ZFAND3: variants seen among roughly 807,000 people sequenced by gnomAD.
ZFAND3 encodes the protein AN1-type zinc finger protein 3.
Under a neutral mutation model 29.6 loss-of-function variants are expected in ZFAND3, and 10 were observed. That is an observed-to-expected ratio of 0.34 (90% CI 0.21 to 0.57). ZFAND3 has a LOEUF of 0.57. Ranked by LOEUF, ZFAND3 falls within the 20% of genes least tolerant of loss-of-function variation. ZFAND3 has a pLI of 0.86. For missense variants in ZFAND3, 230 were observed against 304.5 expected, an observed-to-expected ratio of 0.76 and a Z score of 1.82; for synonymous variants, 128 against 112.6, an observed-to-expected ratio of 1.14 and a Z score of -0.87.
intron 1 of ZFAND3, among the ~76,000 whole-genome samples, chr6:37,877,160 T>C (rs1292313603): frequency 2.0e-5 from 3 of 152,232 alleles, no homozygotes; most frequent in Admixed American, 6.5e-5. Context: ...GTGGGTGATT[T>C]ATTGTTTATC....
At chr6:38,130,753 G>A (rs958425191) in intron 5 of ZFAND3, among the ~76,000 whole-genome samples, 1 of 152,114 alleles carries the variant, frequency 6.6e-6, no homozygotes, top group Non-Finnish European at 1.5e-5. Flanking sequence ...TGTTCATCAG[G>A]GATATTGGTC....
In ZFAND3 at chr6:37,975,813, G is replaced by T. The variant is rs1762468108; in HGVS notation, c.112+45814G>T. On this transcript the variant is annotated intron_variant, in intron 2 of 5. Coordinates refer to ENST00000287218, the MANE Select transcript of ZFAND3 (RefSeq NM_021943.3). ...ACTTTATAATAATTCTTGAAATCAGGTAGTGTTAATCCTTCAACTTTATTT... is the reference window on the plus strand; with the variant it reads ...ACTTTATAATAATTCTTGAAATCAGTTAGTGTTAATCCTTCAACTTTATTT... Among the ~76,000 whole-genome samples, 7 of 152,088 alleles carry T rather than the reference G, an allele frequency of 4.6e-5. No individual in the cohort carries two copies. The South Asian group carries it at 1.2e-3, about 27-fold the overall frequency.
At chr6:37,925,190 C>A (rs1306174308) in intron 1 of ZFAND3, among the ~76,000 whole-genome samples, 1 of 151,880 alleles carries the variant, frequency 6.6e-6, no homozygotes, top group Non-Finnish European at 1.5e-5. Flanking sequence ...TAAAAGATGA[C>A]CATAGCTGCT....
chr6:38,033,210 A>G (rs1763594622), intron 2 of ZFAND3, among the ~76,000 whole-genome samples: 1 of 152,198 alleles, frequency 6.6e-6, no homozygotes, highest in Non-Finnish European at 1.5e-5. Flanking sequence ...GGTTGGATTT[A>G]GTTTACTCTC....
At chr6:38,145,953 G>C (rs1766097304) in intron 5 of ZFAND3, among the ~76,000 whole-genome samples, 1 of 152,210 alleles carries the variant, frequency 6.6e-6, no homozygotes, top group African/African-American at 2.4e-5. Context: ...GATTCTTTCA[G>C]AACAGAGTTT....
At chr6:37,838,893 C>T (rs979118864) in intron 1 of ZFAND3, among the ~76,000 whole-genome samples, 5 of 152,188 alleles carry the variant, frequency 3.3e-5, no homozygotes, top group African/African-American at 4.8e-5. Flanking sequence ...AAACTACCAC[C>T]CTGTTTTCCA....
At chr6:37,950,019 G>A (rs1413851918) in intron 2 of ZFAND3, among the ~76,000 whole-genome samples, 2 of 152,192 alleles carry the variant, frequency 1.3e-5, no homozygotes, top group Admixed American at 6.5e-5. Context: ...ACTGTGGATT[G>A]TGGATGTTGG....
chr6:38,033,215 A>G (rs1030235581), intron 2 of ZFAND3, among the ~76,000 whole-genome samples: 3 of 152,142 alleles, frequency 2.0e-5, no homozygotes, highest in Non-Finnish European at 2.9e-5. Flanking sequence ...GATTTAGTTT[A>G]CTCTCTCTAG....
At chr6:37,969,529 T>C (rs1431152169) in intron 2 of ZFAND3, among the ~76,000 whole-genome samples, 2 of 152,228 alleles carry the variant, frequency 1.3e-5, no homozygotes, top group African/African-American at 2.4e-5. Context: ...TATTAAATAG[T>C]GTACCAAAGT....
intron 2 of ZFAND3, among the ~76,000 whole-genome samples, chr6:37,960,626 G>T (rs191100114): frequency 1.1e-3 from 160 of 152,266 alleles, no homozygotes; most frequent in African/African-American, 3.7e-3. Context: ...TATAAATAAA[G>T]GGAATAAAGG....
rs71677053 is a variant in ZFAND3 at position 38,106,681 on chromosome 6, TTG to T, written c.362-9873_362-9872del. Among the ~76,000 whole-genome samples, 1,328 of 150,766 alleles carry T rather than the reference TTG, an allele frequency of 8.8e-3. 15 individuals are homozygous for T. The highest frequency in any genetic ancestry group is 0.03 in the African/African-American group (1,237 of 41,152). On this transcript the variant is annotated intron_variant, in intron 4 of 5. Coordinates refer to ENST00000287218, the MANE Select transcript of ZFAND3 (RefSeq NM_021943.3). ...TACCACTTAGTATGGCGCTAGTTGT[TTG>T]TGTGTGTGTGTGTGTGTATATGTGT...
At chr6:37,954,693 G>C (rs9462372) in intron 2 of ZFAND3, among the ~76,000 whole-genome samples, 4,129 of 152,094 alleles carry the variant, frequency 0.027, 180 homozygotes, top group African/African-American at 0.093. Context: ...TCGTTGCATT[G>C]GATATTTTTG....
chr6:37,852,130 A>C (rs259713), intron 1 of ZFAND3, among the ~76,000 whole-genome samples: 1 of 152,036 alleles, frequency 6.6e-6, no homozygotes, highest in African/African-American at 2.4e-5. Flanking sequence ...GACTGTAGCA[A>C]GTTATGTGAC....
intron 2 of ZFAND3, among the ~76,000 whole-genome samples, chr6:38,016,866 A>G (rs1763260874): frequency 6.6e-6 from 1 of 152,170 alleles, no homozygotes; most frequent in African/African-American, 2.4e-5. Flanking sequence ...AAATATTATT[A>G]AATATATTCA....
intron 2 of ZFAND3, among the ~76,000 whole-genome samples, chr6:37,989,829 T>TAATGA (rs1762730084): frequency 6.6e-6 from 1 of 152,304 alleles, no homozygotes; most frequent in East Asian, 1.9e-4. Context: ...ATCTGGATGT[T>TAATGA]AATGAAATGA....
chr6:38,001,632 T>C (rs1286829371), intron 2 of ZFAND3, among the ~76,000 whole-genome samples: 1 of 152,238 alleles, frequency 6.6e-6, no homozygotes, highest in African/African-American at 2.4e-5. Flanking sequence ...ACTTTTTTTT[T>C]CAGCCATTAA....
chr6:37,947,290 A>T (rs932455765), intron 2 of ZFAND3, among the ~76,000 whole-genome samples: 1 of 152,224 alleles, frequency 6.6e-6, no homozygotes, highest in African/African-American at 2.4e-5. Flanking sequence ...ACTGAGATTT[A>T]AAAACAATTT....
intron 1 of ZFAND3, among the ~76,000 whole-genome samples, chr6:37,837,747 C>T (rs1763996128): frequency 6.6e-6 from 1 of 152,114 alleles, no homozygotes; most frequent in African/African-American, 2.4e-5. Context: ...CTCAGTTGAT[C>T]CGCCCACCTC....
intron 2 of ZFAND3, among the ~76,000 whole-genome samples, chr6:37,967,201 C>T (rs1762308492): frequency 6.6e-6 from 1 of 152,146 alleles, no homozygotes; most frequent in Non-Finnish European, 1.5e-5. Flanking sequence ...ACACTGTTTA[C>T]TCATTTAATT....
Sources: allele counts gnomAD v4.1 joint callset (sites outside exome capture counted in the v4.1 genomes callset), GRCh38; gene constraint gnomAD v4.1.1; transcripts MANE v1.5; gene names NCBI Gene and HGNC (gene_info 2026-07-23, HGNC 2026-07-21).